The following DNM3 variants were observed in gnomAD, a reference collection of about 807,000 sequenced individuals.
The protein encoded by DNM3 is dynamin 3, also known as dynamin-3.
In DNM3, 47 loss-of-function variants were observed where a neutral mutation model predicts 101.6. That is an observed-to-expected ratio of 0.46 (90% CI 0.37 to 0.59). The LOEUF is 0.59. DNM3 is among the 20% of genes least tolerant of loss of function. DNM3 has a pLI of 0.00. For synonymous variants in DNM3, 385 were observed against 387.9 expected (o/e 0.99, Z 0.09); for missense variants, 849 against 1,085.7 (o/e 0.78, Z 3.06).
intron 15 of DNM3, among the ~76,000 whole-genome samples, chr1:172,282,000 T>C (rs1014673451): frequency 1.3e-5 from 2 of 152,198 alleles, no homozygotes; most frequent in Non-Finnish European, 2.9e-5. Flanking sequence ...CTAAATTATA[T>C]AACATTGGCA....
At chr1:172,165,417 A>G (rs1478134348) in intron 14 of DNM3, among the ~76,000 whole-genome samples, 1 of 152,100 alleles carries the variant, frequency 6.6e-6, no homozygotes, top group Non-Finnish European at 1.5e-5. Context: ...CTTTTATGAT[A>G]CCACACTGCT....
chr1:171,884,152 T>C (rs936235927), intron 1 of DNM3, among the ~76,000 whole-genome samples: 9 of 152,220 alleles, frequency 5.9e-5, no homozygotes, highest in African/African-American at 2.2e-4. Flanking sequence ...CTAGTTGAAG[T>C]AATATCCTAT....
At chr1:172,233,126 T>G (rs1222522950) in intron 14 of DNM3, among the ~76,000 whole-genome samples, 1 of 151,952 alleles carries the variant, frequency 6.6e-6, no homozygotes, top group Non-Finnish European at 1.5e-5. Flanking sequence ...ATCAACAAAA[T>G]TGATAGACCA....
At chr1:172,126,690 A>G (rs984833231) in intron 13 of DNM3, among the ~76,000 whole-genome samples, 4 of 151,208 alleles carry the variant, frequency 2.6e-5, no homozygotes, top group African/African-American at 9.7e-5. Context: ...TGAAAACTCC[A>G]TTCTTGTCTT....
At chr1:172,398,769 G>A (rs576094306) in intron 20 of DNM3, among the ~76,000 whole-genome samples, 9 of 152,250 alleles carry the variant, frequency 5.9e-5, no homozygotes, top group Non-Finnish European at 1.2e-4. Flanking sequence ...AAGACATATG[G>A]TTTTCATAGA....
chr1:172,143,821 C>A (rs1228426121), intron 14 of DNM3, among the ~76,000 whole-genome samples: 1 of 152,144 alleles, frequency 6.6e-6, no homozygotes, highest in African/African-American at 2.4e-5. Flanking sequence ...CGGTGCTCTT[C>A]TCTGGGCAAA....
intron 15 of DNM3, among the ~76,000 whole-genome samples, chr1:172,304,287 A>T (rs944759636): frequency 2.0e-5 from 3 of 150,952 alleles, no homozygotes; most frequent in East Asian, 1.9e-4. Flanking sequence ...AAAGAGACAA[A>T]GAAGGCCATT....
At chr1:172,321,387 A>G (rs531384905) in intron 16 of DNM3, among the ~76,000 whole-genome samples, 66 of 152,348 alleles carry the variant, frequency 4.3e-4, no homozygotes, top group Non-Finnish European at 8.2e-4. Flanking sequence ...TAGAAGAGCT[A>G]CATGGCCAAT....
In DNM3 at chr1:171,890,089, C is replaced by T. The variant is rs184562842; in HGVS notation, c.162-31659C>T. Reference sequence around the variant, plus strand: ...AGAGAAAAACTACAAGTATATCCGCCTTTATTCTCCGAACCATTTCTCATT... The same window carrying T: ...AGAGAAAAACTACAAGTATATCCGCTTTTATTCTCCGAACCATTTCTCATT... On this transcript the variant is annotated intron_variant, in intron 1 of 20. Coordinates refer to ENST00000627582, the MANE Select transcript of DNM3 (RefSeq NM_015569.5). Among the ~76,000 whole-genome samples the T allele has an allele frequency of 6.1e-3, 935 of 152,238 alleles. 4 individuals carry two copies. The highest frequency in any genetic ancestry group is 0.01 in the Middle Eastern group (3 of 294).
intron 15 of DNM3, among the ~76,000 whole-genome samples, chr1:172,273,926 G>A (rs2063179638): frequency 6.6e-6 from 1 of 152,050 alleles, no homozygotes; most frequent in Non-Finnish European, 1.5e-5. Context: ...ATTCAGTGGT[G>A]TCACATCAGC....
intron 20 of DNM3, among the ~76,000 whole-genome samples, chr1:172,391,202 G>T (rs938989982): frequency 4.6e-5 from 7 of 152,248 alleles, no homozygotes; most frequent in Middle Eastern, 3.4e-3. Flanking sequence ...TACTTGATCT[G>T]GCCATGCAAA....
At chr1:172,127,572 G>A (rs2056710671) in intron 13 of DNM3, among the ~76,000 whole-genome samples, 1 of 151,370 alleles carries the variant, frequency 6.6e-6, no homozygotes, top group Non-Finnish European at 1.5e-5. Flanking sequence ...AGCATGCTGG[G>A]CTAATTTTTT....
intron 13 of DNM3, among the ~76,000 whole-genome samples, chr1:172,103,259 T>C (rs540179540): frequency 5.5e-4 from 84 of 152,244 alleles, no homozygotes; most frequent in African/African-American, 1.9e-3. Context: ...TAGACAAATA[T>C]TGTACATGTT....
intron 14 of DNM3, among the ~76,000 whole-genome samples, chr1:172,205,979 G>A (rs2060309135): frequency 6.6e-6 from 1 of 151,970 alleles, no homozygotes; most frequent in African/African-American, 2.4e-5. Context: ...ATCATGTGTT[G>A]GTCATTTGAA....
At chr1:172,414,618 T>G (rs931410423), downstream of DNM3, among the ~76,000 whole-genome samples, 3 of 152,204 alleles carry the variant, frequency 2.0e-5, no homozygotes. Context: ...GAGTGTGATT[T>G]CCTCAGTACA....
In DNM3 at chr1:172,057,850, A is replaced by G. The variant is rs1480759137; in HGVS notation, c.1335+9100A>G. 3.5e-5 allele frequency among the ~76,000 whole-genome samples: 5 copies of G among 144,706 alleles called. No individual in the cohort carries two copies. In the East Asian group the frequency reaches 6.5e-4, roughly 19 times the overall value. The allele number at this position is 144,706 out of a possible 152,430, so 94.9% of individuals were successfully genotyped here. A position where few individuals can be genotyped will look rare whatever the true frequency, so the allele number is the denominator to read the frequency against. The stretch of plus-strand genomic sequence containing the variant: ...ATCAAATTCACACATAAAAATATTA[A>G]CTTTAAATGTAAATGGACTAAATGC... On this transcript the variant is annotated intron_variant, in intron 10 of 20. Coordinates refer to ENST00000627582, the MANE Select transcript of DNM3 (RefSeq NM_015569.5).
chr1:171,860,963 G>T (rs2034115031), intron 1 of DNM3, among the ~76,000 whole-genome samples: 1 of 152,106 alleles, frequency 6.6e-6, no homozygotes, highest in Admixed American at 6.6e-5. Flanking sequence ...TATGCAGGTG[G>T]TTGGATATAA....
rs555365017 is a variant in DNM3, at chr1:172,079,323, A to G, written c.1423-2509A>G. 2.0e-5 allele frequency among the ~76,000 whole-genome samples: 3 copies of G among 151,864 alleles called. No individual in the cohort carries two copies. The South Asian group carries it at 6.2e-4, about 32-fold the overall frequency. On this transcript the variant is annotated intron_variant, in intron 11 of 20. Coordinates refer to ENST00000627582, the MANE Select transcript of DNM3 (RefSeq NM_015569.5). The stretch of plus-strand genomic sequence containing the variant: ...TTGGAGGCTTTGTTCTTTCCTTTTC[A>G]TTCTTTTTTCTGTAATCTTGTCTCT...
intron 7 of DNM3, among the ~76,000 whole-genome samples, chr1:172,040,719 G>A (rs1244065937): frequency 1.3e-5 from 2 of 152,160 alleles, no homozygotes; most frequent in South Asian, 4.1e-4. Context: ...GAGGAGTGGT[G>A]CCGGATAGAG....
Sources: gnomAD v4.1 joint callset for allele counts (sites outside exome capture counted in the v4.1 genomes callset) on GRCh38, gnomAD v4.1.1 for gene constraint, MANE v1.5 for transcripts, NCBI Gene and HGNC (gene_info 2026-07-23, HGNC 2026-07-21) for gene names.